Variants in C12orf76 observed in about 807,000 individuals in gnomAD.
C12orf76 encodes chromosome 12 open reading frame 76.
A neutral mutation model predicts 6.8 loss-of-function variants in C12orf76; 6 were observed. The ratio of observed to expected loss-of-function variants is 0.88; its 90% CI spans 0.48 to 1.73. The LOEUF (loss-of-function observed/expected upper bound fraction) is 1.73, where lower values mean the gene tolerates loss of function less well. Ranked by LOEUF, C12orf76 falls within the 40% of genes most tolerant of loss-of-function variation. The pLI, the probability that C12orf76 is intolerant of heterozygous loss-of-function variation, is 0.01. For synonymous variants in C12orf76, 56 were observed against 43.7 expected, an observed-to-expected ratio of 1.28 and a Z score of -1.11; for missense variants, 99 against 98.2, an observed-to-expected ratio of 1.01 and a Z score of -0.03.
chr12:110,060,438 G>A (rs1192196117), intron 2 of C12orf76, among the ~76,000 whole-genome samples: 1 of 152,024 alleles, frequency 6.6e-6, no homozygotes, highest in Non-Finnish European at 1.5e-5. Flanking sequence ...AAATCCAATA[G>A]ACACACCACA....
At chr12:110,072,066 T>C (rs1207012273), upstream of C12orf76, among the ~76,000 whole-genome samples, 2 of 152,158 alleles carry the variant, frequency 1.3e-5, no homozygotes, top group Non-Finnish European at 2.9e-5. Context: ...AAAATGTCCA[T>C]CAATGGATGA....
rs1892883970 is a variant in C12orf76 at position 110,067,296 on chromosome 12, G to A, written n.206+194C>T. Among the ~76,000 whole-genome samples the A allele has an allele frequency of 2.0e-5, 3 of 152,248 alleles. No individual in the cohort carries two copies. In the South Asian group the frequency reaches 6.2e-4, roughly 32 times the overall value. ...GCTGGCAGCCTCTGTGGGCCAAGTC[G>A]CACATCCCAAATGAGCAGGTCTTCT... On this transcript the variant is annotated intron_variant and non_coding_transcript_variant, in intron 1 of 4. Transcript: ENST00000309050.
chr12:110,067,542 G>A (rs1244304472), exon 1 of C12orf76: 17 of 985,382 alleles, frequency 1.7e-5, no homozygotes, highest in Non-Finnish European at 2.0e-5. Flanking sequence ...TCCTTCCTAA[G>A]GAAAATCCAC....
At chr12:110,047,572 C>T (rs960059096) in intron 1 of C12orf76, among the ~76,000 whole-genome samples, 2 of 151,890 alleles carry the variant, frequency 1.3e-5, no homozygotes, top group South Asian at 2.1e-4. Flanking sequence ...CCCAGCTACT[C>T]GCCCGGGATG....
At chr12:110,065,124 A>G (rs1213949091) in intron 2 of C12orf76, among the ~76,000 whole-genome samples, 1 of 151,654 alleles carries the variant, frequency 6.6e-6, no homozygotes. Flanking sequence ...TTTTTATTAT[A>G]TATGTATACA....
At chr12:110,053,642 C>T (rs1593246921), upstream of C12orf76, among the ~76,000 whole-genome samples, 1 of 152,310 alleles carries the variant, frequency 6.6e-6, no homozygotes, top group Admixed American at 6.5e-5. Flanking sequence ...AGCAATAAAA[C>T]TCTTATATAT....
intron 2 of C12orf76, among the ~76,000 whole-genome samples, chr12:110,065,560 C>T (rs1892845337): frequency 6.6e-6 from 1 of 152,074 alleles, no homozygotes; most frequent in Non-Finnish European, 1.5e-5. Flanking sequence ...ATCAGTTCTG[C>T]CTCCAAAACA....
At chr12:110,048,221 C>G (rs1043344937) in intron 1 of C12orf76, 142 bp downstream of exon 1, 3 of 1,096,388 alleles carry the variant, frequency 2.7e-6, no homozygotes, top group Non-Finnish European at 3.6e-6. Flanking sequence ...TCGGGGCCCC[C>G]TGAGGGGCCT....
In C12orf76 at chr12:110,073,338, A is replaced by C. The variant is rs868562327; in HGVS notation, n.213+84T>G. ...AATTTGAAAACCATGTGAGATTCAG[A>C]ATGTGCACCTGAAGCTGCCCCCTGG... On this transcript the variant is annotated intron_variant and non_coding_transcript_variant, in intron 1 of 1. Transcript: ENST00000548936. 17 of 475,288 alleles carry C rather than the reference A, an allele frequency of 3.6e-5. No individual in the cohort carries two copies. The Middle Eastern group carries it at 2.9e-3, about 81-fold the overall frequency. The allele number at this position is 475,288 out of a possible 1,614,324, so 29.4% of individuals were successfully genotyped here. A position where few individuals can be genotyped will look rare whatever the true frequency, so the allele number is the denominator to read the frequency against.
At chr12:110,065,070 G>A (rs369323944) in intron 2 of C12orf76, among the ~76,000 whole-genome samples, 15 of 151,812 alleles carry the variant, frequency 9.9e-5, no homozygotes, top group South Asian at 2.1e-4. Flanking sequence ...GGTAGTAGGC[G>A]GTGTTTAATT....
rs536862778 is a variant in C12orf76, at chr12:110,058,713, A to G, written n.556+275T>C. Among the ~76,000 whole-genome samples, 126 of 152,372 alleles carry G rather than the reference A, an allele frequency of 8.3e-4. 1 individual carries two copies. The highest frequency in any genetic ancestry group is 2.9e-3 in the African/African-American group (120 of 41,592). ...GAAAGAACTGCCCATTTTGTAGGCC[A>G]TAGCTATAGAATACAGGCAGTTCCA... On this transcript the variant is annotated intron_variant and non_coding_transcript_variant, in intron 3 of 4. Coordinates refer to the C12orf76 transcript ENST00000309050.
rs58649893 is a variant in C12orf76, at chr12:110,054,319, A to G, written n.664+2870T>C. On this transcript the variant is annotated intron_variant and non_coding_transcript_variant, in intron 4 of 4. Transcript: ENST00000309050. The surrounding 1 kb of genome is among the most constrained non-coding windows in gnomAD (Gnocchi z 4.4). ...AATGTTCATCTATGGATGAATGGAT[A>G]GGCAAAATGTGGTCTATCCATTCAA... Among the ~76,000 whole-genome samples, 3,026 of 152,320 alleles carry G rather than the reference A, an allele frequency of 0.02. 103 individuals are homozygous for G. Among genetic ancestry groups the G allele is most frequent in the African/African-American group, 0.069 (2,876 of 41,568 alleles).
chr12:110,050,755 C>T (rs928260158), upstream of C12orf76: 1 of 560,468 alleles, frequency 1.8e-6, no homozygotes, highest in Non-Finnish European at 3.2e-6. Context: ...GCTACTCTGT[C>T]TATGGAGTAG....
chr12:110,066,006 T>TGACCTCCC, exon 2 of C12orf76: 1 of 1,606,072 alleles, frequency 6.2e-7, no homozygotes, highest in Non-Finnish European at 8.5e-7. Context: ...TCTGACCTTC[T>TGACCTCCC]GACCTCCCCC....
At chr12:110,068,247 AAAGAAGAAGAAGAAGAAGAAG>A (rs4042063), upstream of C12orf76, among the ~76,000 whole-genome samples, 996 of 63,792 alleles carry the variant, frequency 0.016, 15 homozygotes, top group East Asian at 0.069. Context: ...GAAGAAGAAG[AAAGAAGAAGAAGAAGAAGAAG>A]AAGAAGAAGA....
chr12:110,062,832 A>C (rs1892796135), intron 2 of C12orf76, among the ~76,000 whole-genome samples: 1 of 120,976 alleles, frequency 8.3e-6, no homozygotes, highest in Admixed American at 1.0e-4. Flanking sequence ...TGGGATCTCA[A>C]TTTGTTGCTC....
intron 1 of C12orf76, among the ~76,000 whole-genome samples, chr12:110,042,828 T>C (rs1892349023): frequency 6.6e-6 from 1 of 151,418 alleles, no homozygotes; most frequent in African/African-American, 2.4e-5. Flanking sequence ...GAGGCCTAGG[T>C]GGGTGGATCA....
At chr12:110,065,869 G>C (rs1892850308) in exon 2 of C12orf76, 2 of 1,613,948 alleles carry the variant, frequency 1.2e-6, no homozygotes, top group Admixed American at 3.3e-5. Flanking sequence ...CCAGGTTCTG[G>C]AACATGCTGT....
chr12:110,064,625 G>C (rs1420874366), intron 2 of C12orf76, among the ~76,000 whole-genome samples: 3 of 152,148 alleles, frequency 2.0e-5, no homozygotes, highest in African/African-American at 4.8e-5. Context: ...CTGGGGTTTG[G>C]GGGGACAGCT....
Sources: allele counts gnomAD v4.1 joint callset (sites outside exome capture counted in the v4.1 genomes callset), GRCh38; gene constraint gnomAD v4.1.1; non-coding constraint Gnocchi (gnomAD v3.1); transcripts MANE v1.5; gene names NCBI Gene and HGNC (gene_info 2026-07-23, HGNC 2026-07-21).